CDKAL1: variants seen among roughly 807,000 people sequenced by gnomAD.
CDKAL1 encodes CDKAL1 threonylcarbamoyladenosine tRNA methylthiotransferase, also known as threonylcarbamoyladenosine tRNA methylthiotransferase.
A neutral mutation model predicts 68.2 loss-of-function variants in CDKAL1; 32 were observed. The ratio of observed to expected loss-of-function variants is 0.47; its 90% CI spans 0.35 to 0.63. The LOEUF is 0.63. CDKAL1 is among the 30% of genes least tolerant of loss of function. The pLI is 0.00. For synonymous variants in CDKAL1, 234 were observed against 244.3 expected (o/e 0.96, Z 0.39); for missense variants, 606 against 696.7 (o/e 0.87, Z 1.47).
At chr6:21,109,488 A>G (rs946611570) in intron 13 of CDKAL1, among the ~76,000 whole-genome samples, 1 of 152,258 alleles carries the variant, frequency 6.6e-6, no homozygotes, top group African/African-American at 2.4e-5. Context: ...TAGTGTTTCT[A>G]TAGTGACCAA....
chr6:20,952,776 G>A (rs1029359524), intron 9 of CDKAL1, among the ~76,000 whole-genome samples: 5 of 152,242 alleles, frequency 3.3e-5, no homozygotes, highest in South Asian at 4.1e-4. Context: ...ATATGCAAGC[G>A]TGGCCTGGCA....
intron 4 of CDKAL1, among the ~76,000 whole-genome samples, chr6:20,580,626 A>G (rs547732874): frequency 1.5e-4 from 23 of 152,172 alleles, no homozygotes; most frequent in Admixed American, 2.6e-4. Flanking sequence ...TTTATTTTTA[A>G]TTACCAAACT....
At chr6:21,108,347 GTCAAC>G in intron 12 of CDKAL1, 49 bp from the exon 13 acceptor site, 1 of 1,214,836 alleles carries the variant, frequency 8.2e-7, no homozygotes, top group Admixed American at 1.8e-5. Flanking sequence ...TTTATCTGCT[GTCAAC>G]TCAATTGTTT....
At chr6:21,030,124 T>C (rs1161383790) in intron 11 of CDKAL1, among the ~76,000 whole-genome samples, 1 of 152,194 alleles carries the variant, frequency 6.6e-6, no homozygotes, top group Non-Finnish European at 1.5e-5. Flanking sequence ...GTGGTACATA[T>C]ACACCATGGA....
intron 5 of CDKAL1, among the ~76,000 whole-genome samples, chr6:20,723,339 G>A (rs150480507): frequency 6.6e-6 from 1 of 152,352 alleles, no homozygotes; most frequent in African/African-American, 2.4e-5. Flanking sequence ...TTGGGGTCAT[G>A]GGCATCCTCA....
intron 9 of CDKAL1, among the ~76,000 whole-genome samples, chr6:20,894,466 A>G (rs889917100): frequency 7.0e-6 from 1 of 142,276 alleles, no homozygotes; most frequent in Non-Finnish European, 1.5e-5. Flanking sequence ...GGAGAAACTT[A>G]TTAATACTTC....
chr6:20,562,634 C>T (rs1212233340), intron 4 of CDKAL1, among the ~76,000 whole-genome samples: 1 of 151,610 alleles, frequency 6.6e-6, no homozygotes, highest in East Asian at 1.9e-4. Context: ...CCCAGCTACT[C>T]GGGAGGCTGA....
intron 4 of CDKAL1, among the ~76,000 whole-genome samples, chr6:20,568,479 A>G (rs1369274225): frequency 6.6e-6 from 1 of 151,840 alleles, no homozygotes; most frequent in Non-Finnish European, 1.5e-5. Context: ...TCACGCCTGT[A>G]ATCCCAGCAC....
At chr6:20,999,678 A>G (rs1767319650) in intron 10 of CDKAL1, among the ~76,000 whole-genome samples, 2 of 146,232 alleles carry the variant, frequency 1.4e-5, no homozygotes, top group South Asian at 2.1e-4. Flanking sequence ...AAAAAAAAAA[A>G]AAAAAAAAAG....
chr6:21,204,443 C>G (rs781571179), intron 15 of CDKAL1, among the ~76,000 whole-genome samples: 2 of 152,074 alleles, frequency 1.3e-5, no homozygotes, highest in African/African-American at 2.4e-5. Flanking sequence ...GATAAAGATT[C>G]CTTTTACAAA....
At chr6:20,668,972 C>T (rs55723666) in intron 5 of CDKAL1, among the ~76,000 whole-genome samples, 1 of 152,002 alleles carries the variant, frequency 6.6e-6, no homozygotes, top group Admixed American at 6.6e-5. Context: ...CGATATTGCA[C>T]TTGAGATTGA....
chr6:20,985,015 A>T (rs1259731233), intron 10 of CDKAL1, among the ~76,000 whole-genome samples: 3 of 152,118 alleles, frequency 2.0e-5, no homozygotes, highest in African/African-American at 7.2e-5. Flanking sequence ...GTAATTTGGA[A>T]TGGGCTAGGG....
intron 13 of CDKAL1, among the ~76,000 whole-genome samples, chr6:21,148,888 A>G (rs1454827416): frequency 2.6e-5 from 4 of 152,240 alleles, no homozygotes; most frequent in African/African-American, 7.2e-5. Flanking sequence ...TGACTAAAAA[A>G]GAATAAACTG....
At chr6:21,114,720 C>G (rs1774319480) in intron 13 of CDKAL1, among the ~76,000 whole-genome samples, 1 of 151,740 alleles carries the variant, frequency 6.6e-6, no homozygotes, top group African/African-American at 2.4e-5. Context: ...GCCTCAATGA[C>G]AGAGCAAGAC....
At chr6:21,207,278 A>G (rs1778977872) in intron 15 of CDKAL1, among the ~76,000 whole-genome samples, 1 of 151,906 alleles carries the variant, frequency 6.6e-6, no homozygotes, top group South Asian at 2.1e-4. Context: ...CTGTAATCCC[A>G]GCACTTCAGG....
chr6:20,749,524 A>G (rs1010007403), intron 6 of CDKAL1, among the ~76,000 whole-genome samples: 9 of 150,038 alleles, frequency 6.0e-5, no homozygotes, highest in African/African-American at 2.2e-4. Flanking sequence ...ACCTCCTACC[A>G]CTAATCCCAG....
At position 21,133,397 on chromosome 6, in the gene CDKAL1, T is replaced by C. The variant is rs527676796; in HGVS notation, c.1299+24934T>C. 4.1e-4 allele frequency among the ~76,000 whole-genome samples: 63 copies of C among 152,334 alleles called. 1 individual carries two copies. The highest frequency in any genetic ancestry group is 1.4e-3 in the African/African-American group (60 of 41,574). ...CCTGGTGCTCAGGACTCCATGCATA[T>C]TCCTACACCAGATTTTTGATCCAGC... On this transcript the variant is annotated intron_variant, in intron 13 of 15. Transcript: ENST00000274695.
intron 8 of CDKAL1, chr6:20,799,701 C>A (rs930820039): frequency 3.3e-5 from 5 of 152,140 alleles, no homozygotes; most frequent in Non-Finnish European, 7.3e-5. Flanking sequence ...AAGGTGGAAT[C>A]TGGTTAGAAC....
chr6:20,862,662 T>TGTGTGCGCGCGTGCAC (rs1554132203), intron 9 of CDKAL1, among the ~76,000 whole-genome samples: 1 of 133,784 alleles, frequency 7.5e-6, no homozygotes, highest in Non-Finnish European at 1.7e-5. Flanking sequence ...TGTGTGTGTG[T>TGTGTGCGCGCGTGCAC]GCGCGCGTGC....
Sources: gnomAD v4.1 joint callset for allele counts (sites outside exome capture counted in the v4.1 genomes callset) on GRCh38, gnomAD v4.1.1 for gene constraint, MANE v1.5 for transcripts, NCBI Gene and HGNC (gene_info 2026-07-23, HGNC 2026-07-21) for gene names.